The following KRT7 variants were observed in gnomAD, a reference collection of about 807,000 sequenced individuals.
KRT7 encodes the protein keratin, type II cytoskeletal 7.
Under a neutral mutation model 42.8 loss-of-function variants are expected in KRT7, and 50 were observed. The ratio of observed to expected loss-of-function variants is 1.17; its 90% CI spans 0.93 to 1.48. The LOEUF (loss-of-function observed/expected upper bound fraction) is 1.48. Among genes scored for constraint, KRT7 ranks in the 40% most tolerant of loss-of-function variants. The pLI, the probability that KRT7 is intolerant of heterozygous loss-of-function variation, is 0.00. For missense variants in KRT7, 588 were observed against 637.6 expected (o/e 0.92, Z 0.84); for synonymous variants, 268 against 266.3 (o/e 1.01, Z -0.06).
intron 8 of KRT7, 152 bp from the exon 9 acceptor site, chr12:52,248,439 C>G: frequency 1.1e-6 from 1 of 888,590 alleles, no homozygotes; most frequent in Non-Finnish European, 1.7e-6. Context: ...GCAGCCCTAC[C>G]CCTGTCAGAT....
At position 52,241,595 on chromosome 12, in the gene KRT7, A is replaced by C; in HGVS notation, c.817A>C (p.Lys273Gln). ...CAAGGCGCAGTATGAGGAGATGGCC[A>C]AATGCAGCCGGGCTGAGGCTGAAGC... ...EVKAQYEEMA[K>Q]CSRAEAEAWY... Residue 273 changes from lysine to glutamine, a missense_variant, in exon 5 of 9, where the codon AAA becomes CAA. Coordinates refer to ENST00000331817, the MANE Select transcript of KRT7 (RefSeq NM_005556.4). The C allele has an allele frequency of 1.9e-6, 3 of 1,613,198 alleles. No homozygotes were observed. The highest frequency in any genetic ancestry group is 2.5e-6 in the Non-Finnish European group (3 of 1,179,458).
Position 52,248,801 on chromosome 12 carries a change from A to C in KRT7, c.*41A>C. ...TCCACTCCTCCAGCCACCACCCACAATCACAAGAAGATTCCCACCCCTGCC... is the reference window on the plus strand; with the variant it reads ...TCCACTCCTCCAGCCACCACCCACACTCACAAGAAGATTCCCACCCCTGCC... On this transcript the variant is annotated 3_prime_UTR_variant, in exon 9 of 9. Coordinates refer to ENST00000331817, the MANE Select transcript of KRT7 (RefSeq NM_005556.4). 6.7e-7 allele frequency: 1 copy of C among 1,484,226 alleles called. No individual in the cohort carries two copies. Among genetic ancestry groups the C allele is most frequent in the Admixed American group, 2.2e-5 (1 of 46,100 alleles). 91.9% of individuals were successfully genotyped at this position (1,484,226 alleles called of 1,614,324 possible).
intron 1 of KRT7, 66 bp downstream of exon 1, chr12:52,233,686 GC>G: frequency 1.3e-6 from 2 of 1,523,486 alleles, no homozygotes; most frequent in Non-Finnish European, 1.8e-6. Flanking sequence ...GCCCTAACTA[GC>G]CCTGCCTGCG....
chr12:52,238,748 C>A lies in KRT7; in HGVS notation c.666C>A (p.Ile222=). Residue 222 remains isoleucine, a synonymous_variant, in exon 4 of 9, where the codon ATC becomes ATA. Coordinates refer to ENST00000331817, the MANE Select transcript of KRT7 (RefSeq NM_005556.4). Reference sequence around the variant, plus strand: ...AGGTGGATGCCCTGAATGATGAGATCAACTTCCTCAGGACCCTCAATGAGA... The same window carrying A: ...AGGTGGATGCCCTGAATGATGAGATAAACTTCCTCAGGACCCTCAATGAGA... The part of the protein sequence containing the change: ...EAKVDALNDE[I]NFLRTLNETE... 1 of 1,612,906 alleles carries A rather than the reference C, an allele frequency of 6.2e-7. No homozygotes were observed. The highest frequency in any genetic ancestry group is 8.5e-7 in the Non-Finnish European group (1 of 1,178,832).
chr12:52,245,148 TTC>T, intron 6 of KRT7: 1 of 555,598 alleles, frequency 1.8e-6, no homozygotes, highest in South Asian at 2.5e-5. Flanking sequence ...TCTCCTGATG[TTC>T]TCTTAGAAAA....
chr12:52,239,366 A>C (rs1368155761), intron 4 of KRT7, among the ~76,000 whole-genome samples: 1 of 152,222 alleles, frequency 6.6e-6, no homozygotes, highest in Non-Finnish European at 1.5e-5. Flanking sequence ...CTATTCAAGC[A>C]AAGGGCTAGT....
chr12:52,250,567 C>T (rs1471793598), downstream of KRT7: 2 of 1,254,644 alleles, frequency 1.6e-6, no homozygotes, highest in Admixed American at 4.0e-5. Context: ...GCACTGCAGA[C>T]GCTGCCCGTC....
chr12:52,253,261 G>GTTCA (rs1942294610), downstream of KRT7: 1 of 1,611,582 alleles, frequency 6.2e-7, no homozygotes, highest in Admixed American at 1.7e-5. Context: ...GGATCATGCG[G>GTTCA]TTCAGCTCGT....
In KRT7 at chr12:52,237,547, A is replaced by G. The variant is rs1942028334; in HGVS notation, c.575A>G (p.Asn192Ser). The G allele has an allele frequency of 1.9e-6, 3 of 1,612,204 alleles. No individual in the cohort carries two copies. Among genetic ancestry groups the G allele is most frequent in the East Asian group, 4.5e-5 (2 of 44,770 alleles). Residue 192 changes from asparagine to serine, a missense_variant, in exon 3 of 9, where the codon AAT becomes AGT. Coordinates refer to ENST00000331817, the MANE Select transcript of KRT7 (RefSeq NM_005556.4). ...DEINHRTAAE[N>S]EFVVLKKDVD... ...ATTAACCACCGCACAGCTGCTGAGA[A>G]TGAGTTTGTGGTGCTGAAGAAGGTG...
chr12:52,248,764 G>T lies in KRT7; in HGVS notation c.*4G>T, dbSNP rs377129916. On this transcript the variant is annotated 3_prime_UTR_variant, in exon 9 of 9. Transcript: ENST00000331817. ...TCGCAGGAGTGCCCGCGACTGAGCC[G>T]CCTCCCACCACTCCACTCCTCCAGC... The T allele has an allele frequency of 9.7e-6, 15 of 1,542,526 alleles. No homozygotes were observed. Among genetic ancestry groups the T allele is most frequent in the Non-Finnish European group, 1.3e-5 (15 of 1,147,878 alleles).
chr12:52,253,814 C>T, downstream of KRT7: 1 of 566,728 alleles, frequency 1.8e-6, no homozygotes. Flanking sequence ...GAGCCCTACT[C>T]TTGGTAGCCC....
At chr12:52,241,327 C>A in intron 4 of KRT7, 145 bp from the exon 5 acceptor site, 1 of 635,532 alleles carries the variant, frequency 1.6e-6, no homozygotes, top group Non-Finnish European at 2.7e-6. Context: ...TTAATGTGTG[C>A]TGGGTCTGGG....
At chr12:52,253,746 G>C (rs776317807), downstream of KRT7, 3 of 1,071,800 alleles carry the variant, frequency 2.8e-6, no homozygotes, top group East Asian at 1.3e-4. Context: ...TGAGATGTGC[G>C]ACTGGAGAAC....
downstream of KRT7, chr12:52,253,152 C>T: frequency 6.6e-7 from 1 of 1,507,092 alleles, no homozygotes; most frequent in African/African-American, 1.4e-5. Flanking sequence ...AACCCAAATC[C>T]CTCTCCTGAG....
chr12:52,245,717 C>T (rs1942158995), intron 7 of KRT7, 85 bp downstream of exon 7: 3 of 1,531,774 alleles, frequency 2.0e-6, no homozygotes, highest in Non-Finnish European at 2.7e-6. Flanking sequence ...CAAGCATTTC[C>T]TGTATGCCCC....
downstream of KRT7, chr12:52,253,619 C>T: frequency 1.3e-6 from 2 of 1,570,746 alleles, no homozygotes; most frequent in Admixed American, 1.7e-5. Flanking sequence ...GGTACCAGGA[C>T]TCGGCCTCGG....
chr12:52,241,741 C>T (rs1164326909), intron 5 of KRT7, 105 bp downstream of exon 5: 7 of 998,346 alleles, frequency 7.0e-6, no homozygotes, highest in Non-Finnish European at 7.4e-6. Flanking sequence ...TCCCACTGTT[C>T]TGGCAGGCAC....
intron 4 of KRT7, among the ~76,000 whole-genome samples, chr12:52,239,127 G>A (rs1942049182): frequency 6.6e-6 from 1 of 151,256 alleles, no homozygotes; most frequent in Non-Finnish European, 1.5e-5. Context: ...GGCTTTAGGT[G>A]TTTTTTTTTA....
Position 52,233,385 on chromosome 12 carries a change from GC to G in KRT7, c.93del (p.Gly32AlafsTer166). ...GCCCAGGTGCGCCTGAGCTCCGCTC[GC>G]CCCGGCGGCCTTGGCAGCAGCAGCC... The part of the protein sequence containing the change: ...RGAQVRLSSA[R>X]PGGLGSSSLY... On this transcript the variant is annotated frameshift_variant, in exon 1 of 9. Transcript: ENST00000331817. LOFTEE classifies it high-confidence loss of function. 1 of 1,564,950 alleles carries G rather than the reference GC, an allele frequency of 6.4e-7. No homozygotes were observed. The highest frequency in any genetic ancestry group is 8.6e-7 in the Non-Finnish European group (1 of 1,162,232).
Sources: allele counts gnomAD v4.1 joint callset (sites outside exome capture counted in the v4.1 genomes callset), GRCh38; gene constraint gnomAD v4.1.1; transcripts MANE v1.5; gene names NCBI Gene and HGNC (gene_info 2026-07-23, HGNC 2026-07-21).